Variants in RRAGA observed in about 807,000 individuals in gnomAD.
The protein encoded by RRAGA is Ras related GTP binding A, also known as ras-related GTP-binding protein A.
A neutral mutation model predicts 20.5 loss-of-function variants in RRAGA; 11 were observed. That is an observed-to-expected ratio of 0.54 (90% CI 0.34 to 0.89). The LOEUF (loss-of-function observed/expected upper bound fraction) is 0.89, where lower values mean the gene tolerates loss of function less well. RRAGA is among the 40% of genes least tolerant of loss of function. The pLI, the probability that RRAGA is intolerant of heterozygous loss-of-function variation, is 0.02. For missense variants in RRAGA, 214 were observed against 400.7 expected, an observed-to-expected ratio of 0.53 and a Z score of 3.98; for synonymous variants, 184 against 155.4, an observed-to-expected ratio of 1.18 and a Z score of -1.37.
In RRAGA at chr9:19,050,136, T is replaced by C. The variant is rs1314516565; in HGVS notation, c.477T>C (p.Cys159=). 6.2e-7 allele frequency: 1 copy of C among 1,613,882 alleles called. No individual in the cohort carries two copies. Among genetic ancestry groups the C allele is most frequent in the Non-Finnish European group, 8.5e-7 (1 of 1,180,000 alleles). ...RRLSRPLECA[C]FRTSIWDETL... is the part of the protein sequence containing the mutation. ...TGTCTCGCCCGCTGGAGTGTGCTTG[T>C]TTTCGAACGTCCATCTGGGATGAGA... The change falls in exon 1 of 1, where the codon TGT becomes TGC. Residue 159 remains cysteine (C), a synonymous_variant. Transcript: ENST00000380527.
Position 19,050,613 on chromosome 9 carries a change from T to G in RRAGA, c.*12T>G. ...TCCTTATGCGTTGAATATTGCCAAA[T>G]GCTCTTTCTGAAAATGCTGAATTGC... is the stretch of plus-strand genomic sequence containing the variant. On this transcript the variant is annotated 3_prime_UTR_variant, in exon 1 of 1. Coordinates refer to ENST00000380527, the MANE Select transcript of RRAGA (RefSeq NM_006570.5). 6.2e-7 allele frequency: 1 copy of G among 1,602,572 alleles called. No homozygotes were observed. The highest frequency in any genetic ancestry group is 8.5e-7 in the Non-Finnish European group (1 of 1,172,054).
At position 19,050,956 on chromosome 9, in the gene RRAGA, C is replaced by G. The variant is rs1258050488; in HGVS notation, c.*355C>G. 1 of 206,008 alleles carries G rather than the reference C, an allele frequency of 4.9e-6. No homozygotes were observed. Among genetic ancestry groups the G allele is most frequent in the Non-Finnish European group, 1.1e-5 (1 of 90,876 alleles). The allele number at this position is 206,008 out of a possible 1,614,324, so 12.8% of individuals were successfully genotyped here. A position where few individuals can be genotyped will look rare whatever the true frequency, so the allele number is the denominator to read the frequency against. ...AGACGGAATGTTACTATTTTATCAGCAAGGTATTAAAATGCATTTATAAAT... is the reference window on the plus strand; with the variant it reads ...AGACGGAATGTTACTATTTTATCAGGAAGGTATTAAAATGCATTTATAAAT... On this transcript the variant is annotated 3_prime_UTR_variant, in exon 1 of 1. Transcript: ENST00000380527.
rs1376223840 is a variant in RRAGA at position 19,050,076 on chromosome 9, G to C, written c.417G>C (p.Leu139=). The change falls in exon 1 of 1, where the codon CTG becomes CTC. Residue 139 remains leucine, a synonymous_variant. Transcript: ENST00000380527. ...TGGTTCAGGAGGATCAGCGTGACCT[G>C]ATTTTTAAAGAGCGAGAGGAAGACC... The part of the protein sequence containing the change: ...MDLVQEDQRD[L]IFKEREEDLR... The C allele has an allele frequency of 6.2e-7, 1 of 1,614,088 alleles. No homozygotes were observed. The highest frequency in any genetic ancestry group is 1.7e-5 in the Admixed American group (1 of 60,014).
In RRAGA at chr9:19,049,606, G is replaced by A. The variant is rs1836311222; in HGVS notation, c.-54G>A. 2.1e-6 allele frequency: 3 copies of A among 1,402,840 alleles called. No individual in the cohort carries two copies. The highest frequency in any genetic ancestry group is 2.9e-5 in the African/African-American group (2 of 69,858). 86.9% of individuals were successfully genotyped at this position (1,402,840 alleles called of 1,614,324 possible). A position where few individuals can be genotyped will look rare whatever the true frequency, so the allele number is the denominator to read the frequency against. On this transcript the variant is annotated 5_prime_UTR_variant, in exon 1 of 1. Transcript: ENST00000380527. The surrounding 1 kb of genome is among the most constrained non-coding windows in gnomAD (Gnocchi z 5.4). ...CCCGGCAGCCCCCGACCCCTCCCTC[G>A]GCGCTGCGTGTAGGCCGCGCCCTCA...
chr9:19,049,514 T>G lies in RRAGA; in HGVS notation c.-146T>G, dbSNP rs3177673. 34,679 of 617,422 alleles carry G rather than the reference T, an allele frequency of 0.056. 1,597 individuals carry two copies. Among genetic ancestry groups the G allele is most frequent in the African/African-American group, 0.19 (9,737 of 50,826 alleles). The allele number at this position is 617,422 out of a possible 1,614,324, so 38.2% of individuals were successfully genotyped here. A position where few individuals can be genotyped will look rare whatever the true frequency, so the allele number is the denominator to read the frequency against. Reference sequence around the variant, plus strand: ...GTCCGCGGCCTCTCCAGCCCCGGGTTCGCGCTCTCGACTCTCCTGCCTGCC... The same window carrying G: ...GTCCGCGGCCTCTCCAGCCCCGGGTGCGCGCTCTCGACTCTCCTGCCTGCC... On this transcript the variant is annotated 5_prime_UTR_variant, in exon 1 of 1. Coordinates refer to ENST00000380527, the MANE Select transcript of RRAGA (RefSeq NM_006570.5). This position sits in a 1 kb window ranked among gnomAD's most constrained non-coding sequence, Gnocchi z 5.4.
At position 19,050,711 on chromosome 9, in the gene RRAGA, C is replaced by T. The variant is rs1836332961; in HGVS notation, c.*110C>T. On this transcript the variant is annotated 3_prime_UTR_variant, in exon 1 of 1. Transcript: ENST00000380527. ...TTAAAAGTGGGCTTTGAAGTGTGTG[C>T]TGCTTACTCCTTTCATCTTTCTCCC... The T allele has an allele frequency of 1.2e-5, 12 of 980,272 alleles. No homozygotes were observed. Among genetic ancestry groups the T allele is most frequent in the Non-Finnish European group, 1.8e-5 (12 of 655,494 alleles). The allele number at this position is 980,272 out of a possible 1,614,324, so 60.7% of individuals were successfully genotyped here. A position where few individuals can be genotyped will look rare whatever the true frequency, so the allele number is the denominator to read the frequency against.
In RRAGA at chr9:19,050,499, G is replaced by A. The variant is rs763613381; in HGVS notation, c.840G>A (p.Ser280=). ...TYVMVVMSDP[S]IPSAATLINI... is the part of the protein sequence containing the mutation. ...TGATGGTGGTCATGTCAGATCCGTCGATCCCTTCTGCGGCCACTCTGATCA... is the reference window on the plus strand; with the variant it reads ...TGATGGTGGTCATGTCAGATCCGTCAATCCCTTCTGCGGCCACTCTGATCA... The change falls in exon 1 of 1, where the codon TCG becomes TCA. Residue 280 remains serine, a synonymous_variant. Transcript: ENST00000380527. 5 of 1,613,998 alleles carry A rather than the reference G, an allele frequency of 3.1e-6. No homozygotes were observed. In the Admixed American group the frequency reaches 5.0e-5, roughly 16 times the overall value.
Position 19,050,903 on chromosome 9 carries a change from T to A in RRAGA, c.*302T>A. ...ATGCACATCAAAGCCTTTACCAGTA[T>A]CTTCCTGTATTCCGTATCAGATTGC... is the stretch of plus-strand genomic sequence containing the variant. On this transcript the variant is annotated 3_prime_UTR_variant, in exon 1 of 1. Transcript: ENST00000380527. 3.3e-6 allele frequency: 1 copy of A among 304,672 alleles called. No homozygotes were observed. Among genetic ancestry groups the A allele is most frequent in the Non-Finnish European group, 6.5e-6 (1 of 153,174 alleles). 18.9% of individuals were successfully genotyped at this position (304,672 alleles called of 1,614,324 possible).
At position 19,050,792 on chromosome 9, in the gene RRAGA, T is replaced by G. The variant is rs1376947624; in HGVS notation, c.*191T>G. On this transcript the variant is annotated 3_prime_UTR_variant, in exon 1 of 1. Transcript: ENST00000380527. ...ATTTACTCAGCTACCCAGTAGAGCT[T>G]GAAGCTGACCTTTCTGAGAAGTTGG... The G allele has an allele frequency of 1.6e-6, 1 of 614,090 alleles. No homozygotes were observed. The highest frequency in any genetic ancestry group is 2.9e-5 in the East Asian group (1 of 33,952). 38.0% of individuals were successfully genotyped at this position (614,090 alleles called of 1,614,324 possible). A position where few individuals can be genotyped will look rare whatever the true frequency, so the allele number is the denominator to read the frequency against.
chr9:19,050,309 A>G lies in RRAGA; in HGVS notation c.650A>G (p.Tyr217Cys). The G allele has an allele frequency of 1.2e-6, 2 of 1,614,106 alleles. No homozygotes were observed. The highest frequency in any genetic ancestry group is 1.7e-6 in the Non-Finnish European group (2 of 1,180,026). The change falls in exon 1 of 1, where the codon TAC (tyrosine) becomes TGC (cysteine). Residue 217 changes from tyrosine (Y) to cysteine (C), a missense_variant. By Grantham distance (194) the Tyr-to-Cys change is radical. This residue lies in a region of RRAGA where 88 missense variants were observed against 169.9 expected (regional missense o/e 0.52). Transcript: ENST00000380527. ...GCTACATTCTTGGTTATTTCCCACT[A>G]CCAGTGCAAAGAGCAGCGCGACGTC... Reference protein sequence around the residue: ...ERATFLVISHYQCKEQRDVHR... With the variant: ...ERATFLVISHCQCKEQRDVHR...
In RRAGA at chr9:19,050,723, T is replaced by A. The variant is rs1396316806; in HGVS notation, c.*122T>A. The A allele has an allele frequency of 3.4e-6, 3 of 890,218 alleles. No individual in the cohort carries two copies. The highest frequency in any genetic ancestry group is 5.2e-6 in the Non-Finnish European group (3 of 579,674). 55.1% of individuals were successfully genotyped at this position (890,218 alleles called of 1,614,324 possible). A position where few individuals can be genotyped will look rare whatever the true frequency, so the allele number is the denominator to read the frequency against. On this transcript the variant is annotated 3_prime_UTR_variant, in exon 1 of 1. Transcript: ENST00000380527. ...TTTGAAGTGTGTGCTGCTTACTCCT[T>A]TCATCTTTCTCCCCGCTTCCCCAGT...
At position 19,049,727 on chromosome 9, in the gene RRAGA, T is replaced by A; in HGVS notation, c.68T>A (p.Met23Lys). 1 of 1,614,114 alleles carries A rather than the reference T, an allele frequency of 6.2e-7. No homozygotes were observed. Among genetic ancestry groups the A allele is most frequent in the Non-Finnish European group, 8.5e-7 (1 of 1,180,014 alleles). ...AAGAGCGGGTCGGGGAAGACCAGCA[T>A]GAGGTCGATAATCTTCGCCAATTAC... ...MGKSGSGKTS[M>K]RSIIFANYIA... The change falls in exon 1 of 1, where the codon ATG (methionine) becomes AAG (lysine). Residue 23 changes from methionine (M) to lysine (K), a missense_variant. This residue lies in a region of RRAGA where 40 missense variants were observed against 130.1 expected (regional missense o/e 0.31). Coordinates refer to ENST00000380527, the MANE Select transcript of RRAGA (RefSeq NM_006570.5). The surrounding 1 kb of genome is among the most constrained non-coding windows in gnomAD (Gnocchi z 5.4).
rs1373042177 is a variant in RRAGA, at chr9:19,050,229, C to T, written c.570C>T (p.Asn190=). 7 of 1,613,918 alleles carry T rather than the reference C, an allele frequency of 4.3e-6. No homozygotes were observed. The African/African-American group carries it at 6.7e-5, about 15-fold the overall frequency. Residue 190 remains asparagine, a synonymous_variant, in exon 1 of 1, where the codon AAC becomes AAT. Transcript: ENST00000380527. ...CCAACGTTCAGCAGCTGGAGATGAA[C>T]CTCAGGAATTTTGCCCAAATCATTG... is the stretch of plus-strand genomic sequence containing the variant. ...LIPNVQQLEM[N]LRNFAQIIEA...
At position 19,050,728 on chromosome 9, in the gene RRAGA, C is replaced by G; in HGVS notation, c.*127C>G. On this transcript the variant is annotated 3_prime_UTR_variant, in exon 1 of 1. Coordinates refer to ENST00000380527, the MANE Select transcript of RRAGA (RefSeq NM_006570.5). ...AGTGTGTGCTGCTTACTCCTTTCAT[C>G]TTTCTCCCCGCTTCCCCAGTCTTTA... 1.2e-6 allele frequency: 1 copy of G among 864,100 alleles called. No individual in the cohort carries two copies. Among genetic ancestry groups the G allele is most frequent in the Non-Finnish European group, 1.8e-6 (1 of 558,182 alleles). The allele number at this position is 864,100 out of a possible 1,614,324, so 53.5% of individuals were successfully genotyped here. A position where few individuals can be genotyped will look rare whatever the true frequency, so the allele number is the denominator to read the frequency against.
rs1836338942 is a variant in RRAGA at position 19,050,983 on chromosome 9, C to T, written c.*382C>T. ...AGGTATTAAAATGCATTTATAAATT[C>T]TTCTTGGCTTCATTCATGAATAAAC... On this transcript the variant is annotated 3_prime_UTR_variant, in exon 1 of 1. Transcript: ENST00000380527. 5.5e-6 allele frequency: 1 copy of T among 183,122 alleles called. No individual in the cohort carries two copies. The highest frequency in any genetic ancestry group is 2.4e-5 in the African/African-American group (1 of 41,854). 11.3% of individuals were successfully genotyped at this position (183,122 alleles called of 1,614,324 possible). A position where few individuals can be genotyped will look rare whatever the true frequency, so the allele number is the denominator to read the frequency against.
In RRAGA at chr9:19,049,594, G is replaced by A. The variant is rs566445609; in HGVS notation, c.-66G>A. 3.1e-6 allele frequency: 4 copies of A among 1,273,780 alleles called. No homozygotes were observed. The highest frequency in any genetic ancestry group is 1.5e-5 in the African/African-American group (1 of 67,082). The allele number at this position is 1,273,780 out of a possible 1,614,324, so 78.9% of individuals were successfully genotyped here. On this transcript the variant is annotated 5_prime_UTR_variant, in exon 1 of 1. Transcript: ENST00000380527. This position sits in a 1 kb window ranked among gnomAD's most constrained non-coding sequence, Gnocchi z 5.4. ...GGCCTGCGAGTCCCCGGCAGCCCCC[G>A]ACCCCTCCCTCGGCGCTGCGTGTAG...
chr9:19,049,446 C>T lies in RRAGA; in HGVS notation c.-214C>T, dbSNP rs1209350908. On this transcript the variant is annotated 5_prime_UTR_variant, in exon 1 of 1. Coordinates refer to ENST00000380527, the MANE Select transcript of RRAGA (RefSeq NM_006570.5). The surrounding 1 kb of genome is among the most constrained non-coding windows in gnomAD (Gnocchi z 5.4). ...GCGAGCGTATCTCCCGAGCCGTTGC[C>T]ACTGACAGCCGCGGGCGCTCCCATC... 3 of 453,048 alleles carry T rather than the reference C, an allele frequency of 6.6e-6. No individual in the cohort carries two copies. Among genetic ancestry groups the T allele is most frequent in the African/African-American group, 2.1e-5 (1 of 47,910 alleles). The allele number at this position is 453,048 out of a possible 1,614,324, so 28.1% of individuals were successfully genotyped here.
chr9:19,049,652 G>T lies in RRAGA; in HGVS notation c.-8G>T. On this transcript the variant is annotated 5_prime_UTR_variant, in exon 1 of 1. Transcript: ENST00000380527. The surrounding 1 kb of genome is among the most constrained non-coding windows in gnomAD (Gnocchi z 5.4). ...CCTCAGGCCCAGTCCGCGGTGCCCCGGCGGGTGATGCCAAATACAGCCATG... is the reference window on the plus strand; with the variant it reads ...CCTCAGGCCCAGTCCGCGGTGCCCCTGCGGGTGATGCCAAATACAGCCATG... The T allele has an allele frequency of 6.2e-7, 1 of 1,603,288 alleles. No individual in the cohort carries two copies. The highest frequency in any genetic ancestry group is 8.5e-7 in the Non-Finnish European group (1 of 1,173,288).
chr9:19,050,355 C>T lies in RRAGA; in HGVS notation c.696C>T (p.Ser232=), dbSNP rs984182020. Residue 232 remains serine, a synonymous_variant, in exon 1 of 1, where the codon AGC becomes AGT. Coordinates refer to ENST00000380527, the MANE Select transcript of RRAGA (RefSeq NM_006570.5). The part of the protein sequence containing the change: ...QRDVHRFEKI[S]NIIKQFKLSC... ...ACGTCCACCGGTTTGAGAAGATCAG[C>T]AACATCATCAAACAGTTCAAGCTGA... The T allele has an allele frequency of 3.1e-6, 5 of 1,614,060 alleles. No homozygotes were observed. In the African/African-American group the frequency reaches 6.7e-5, roughly 22 times the overall value.
Sources: gnomAD v4.1 joint callset for allele counts on GRCh38, gnomAD v4.1.1 for gene constraint, gnomAD v4.1.1 regional missense constraint, Gnocchi (gnomAD v3.1) non-coding constraint, MANE v1.5 for transcripts, NCBI Gene and HGNC (gene_info 2026-07-23, HGNC 2026-07-21) for gene names.